The following LPCAT2 variants were observed in gnomAD, a reference collection of about 807,000 sequenced individuals.
The protein encoded by LPCAT2 is 1-AGP acyltransferase 11.
In LPCAT2, 58 loss-of-function variants were observed where a neutral mutation model predicts 64.7. That is an observed-to-expected ratio of 0.90 (90% confidence interval 0.73 to 1.12). The LOEUF is 1.12. Ranked by LOEUF, LPCAT2 falls within the 50% of genes most tolerant of loss-of-function variation. LPCAT2 has a pLI of 0.00. For missense variants in LPCAT2, 579 were observed against 669.8 expected (o/e 0.86, Z 1.50); for synonymous variants, 252 against 245.3 (o/e 1.03, Z -0.26).
chr16:55,586,347 A>G lies in LPCAT2; in HGVS notation c.*3249A>G, dbSNP rs12448764. On this transcript the variant is annotated 3_prime_UTR_variant, in exon 14 of 14. Transcript: ENST00000262134. ...CAAATTGTCTCCATCGCACTTCAAC[A>G]GCCAGGTCCCTATTTTTTATAACGT... 6.6e-6 allele frequency: 1 copy of G among 152,112 alleles called. No homozygotes were observed. Among genetic ancestry groups the G allele is most frequent in the African/African-American group, 2.4e-5 (1 of 41,416 alleles). The allele number at this position is 152,112 out of a possible 1,614,324, so 9.4% of individuals were successfully genotyped here.
At chr16:55,553,786 C>T (rs1014220836) in intron 11 of LPCAT2, among the ~76,000 whole-genome samples, 11 of 152,212 alleles carry the variant, frequency 7.2e-5, no homozygotes, top group African/African-American at 2.4e-5. Flanking sequence ...TATGGCCTTA[C>T]AGCATTTCTT....
rs1280706729 is a variant in LPCAT2, at chr16:55,583,534, A to G, written c.*436A>G. ...GGAAATAACAATGAAGAATCTGAGA[A>G]TTTGACATCTATAACTTTACAGATT... On this transcript the variant is annotated 3_prime_UTR_variant, in exon 14 of 14. Coordinates refer to ENST00000262134, the MANE Select transcript of LPCAT2 (RefSeq NM_017839.5). 1 of 153,590 alleles carries G rather than the reference A, an allele frequency of 6.5e-6. No individual in the cohort carries two copies. The highest frequency in any genetic ancestry group is 6.4e-5 in the Admixed American group (1 of 15,524). The allele number at this position is 153,590 out of a possible 1,614,324, so 9.5% of individuals were successfully genotyped here.
intron 11 of LPCAT2, among the ~76,000 whole-genome samples, chr16:55,565,606 G>T (rs749979438): frequency 6.6e-6 from 1 of 152,140 alleles, no homozygotes; most frequent in East Asian, 1.9e-4. Flanking sequence ...AGTCACAAAA[G>T]AACAAATACT....
intron 8 of LPCAT2, chr16:55,540,554 C>T (rs901988401): frequency 1.3e-5 from 2 of 152,172 alleles, no homozygotes; most frequent in South Asian, 2.1e-4. Context: ...ACTAAGTGGG[C>T]CGCAGCTAGT....
chr16:55,572,972 C>G (rs776236152), intron 11 of LPCAT2, among the ~76,000 whole-genome samples: 2 of 152,152 alleles, frequency 1.3e-5, no homozygotes, highest in Non-Finnish European at 2.9e-5. Flanking sequence ...AAAAACAGCT[C>G]TCTGACAGAC....
intron 11 of LPCAT2, among the ~76,000 whole-genome samples, chr16:55,562,905 T>G (rs72812715): frequency 0.04 from 6,087 of 151,886 alleles, 149 homozygotes; most frequent in Middle Eastern, 0.068. Context: ...GTATTAAAGG[T>G]AGGATTTCTC....
chr16:55,546,944 C>T (rs146226985), intron 9 of LPCAT2, among the ~76,000 whole-genome samples: 18 of 152,044 alleles, frequency 1.2e-4, no homozygotes, highest in Non-Finnish European at 2.2e-4. Flanking sequence ...GTCAGGAGTT[C>T]GAGACCAGCC....
At chr16:55,534,747 G>A (rs535343987) in intron 7 of LPCAT2, among the ~76,000 whole-genome samples, 5 of 152,176 alleles carry the variant, frequency 3.3e-5, no homozygotes, top group Admixed American at 6.6e-5. Context: ...TTGCTAGTTC[G>A]TAAGTGACCT....
At chr16:55,561,462 T>C (rs1459398491) in intron 11 of LPCAT2, among the ~76,000 whole-genome samples, 2 of 150,978 alleles carry the variant, frequency 1.3e-5, no homozygotes, top group South Asian at 4.2e-4. Flanking sequence ...CCATAGGGGA[T>C]TAAATCATCC....
At chr16:55,531,651 C>T (rs1963254271) in intron 4 of LPCAT2, among the ~76,000 whole-genome samples, 1 of 152,072 alleles carries the variant, frequency 6.6e-6, no homozygotes, top group Admixed American at 6.6e-5. Context: ...TTATTCAGAT[C>T]ATTAGTTTTA....
At chr16:55,514,890 TTGTGTGTGTGTG>T (rs35295405) in intron 1 of LPCAT2, among the ~76,000 whole-genome samples, 16 of 141,234 alleles carry the variant, frequency 1.1e-4, no homozygotes, top group South Asian at 9.4e-4. Flanking sequence ...ATGCAATGCA[TTGTGTGTGTGTG>T]TGTGTGTGTG....
In LPCAT2 at chr16:55,556,543, C is replaced by T. The variant is rs530319002; in HGVS notation, c.1215+5441C>T. 8.2e-4 allele frequency among the ~76,000 whole-genome samples: 125 copies of T among 152,210 alleles called. No homozygotes were observed. The South Asian group carries it at 9.3e-3, about 11-fold the overall frequency. On this transcript the variant is annotated intron_variant, in intron 11 of 13. Transcript: ENST00000262134. ...CTGTAATCCCAGCACTTTGGGAGGC[C>T]GAGGTGGGCAGATCACGAGGTCAGG... is the stretch of plus-strand genomic sequence containing the variant.
intron 1 of LPCAT2, among the ~76,000 whole-genome samples, chr16:55,516,647 A>G (rs1963015971): frequency 6.6e-6 from 1 of 152,228 alleles, no homozygotes; most frequent in Admixed American, 6.5e-5. Context: ...AAATACACAA[A>G]GGAAAAAGTG....
In LPCAT2 at chr16:55,579,235, A is replaced by G. The variant is rs776572768; in HGVS notation, c.1441A>G (p.Ile481Val). Residue 481 changes from isoleucine (I) to valine (V), a missense_variant, in exon 13 of 14, where the codon ATT becomes GTT. Transcript: ENST00000262134. ...LFKEIAQGDS[I>V]SYEEFKSFAL... is the part of the protein sequence containing the mutation. Reference sequence around the variant, plus strand: ...CAAGGAAATAGCCCAAGGGGACTCAATTTCCTATGGTGAGTAGGCAATCTG... The same window carrying G: ...CAAGGAAATAGCCCAAGGGGACTCAGTTTCCTATGGTGAGTAGGCAATCTG... 2.5e-6 allele frequency: 4 copies of G among 1,612,772 alleles called. No homozygotes were observed. The highest frequency in any genetic ancestry group is 2.2e-5 in the South Asian group (2 of 90,952).
At chr16:55,559,282 T>C (rs1963609247) in intron 11 of LPCAT2, among the ~76,000 whole-genome samples, 1 of 152,222 alleles carries the variant, frequency 6.6e-6, no homozygotes, top group Admixed American at 6.5e-5. Context: ...GGCATTACTA[T>C]GTACTTTGTT....
chr16:55,537,029 A>C (rs752034798), intron 7 of LPCAT2, among the ~76,000 whole-genome samples: 4 of 152,136 alleles, frequency 2.6e-5, no homozygotes, highest in Non-Finnish European at 2.9e-5. Flanking sequence ...TCAGAAATGT[A>C]ATGATCTACC....
intron 8 of LPCAT2, among the ~76,000 whole-genome samples, chr16:55,542,424 A>G (rs2142392561): frequency 6.6e-6 from 1 of 152,270 alleles, no homozygotes; most frequent in African/African-American, 2.4e-5. Context: ...TGTCTTCTTT[A>G]TAAAGTTGAA....
At chr16:55,567,119 T>G (rs1476027913) in intron 11 of LPCAT2, 1 of 1,613,860 alleles carries the variant, frequency 6.2e-7, no homozygotes, top group Non-Finnish European at 8.5e-7. Flanking sequence ...GTTTTAGTCT[T>G]GACACCTGCC....
intron 1 of LPCAT2, among the ~76,000 whole-genome samples, chr16:55,519,927 TA>T (rs1963071675): frequency 6.6e-6 from 1 of 151,956 alleles, no homozygotes; most frequent in African/African-American, 2.4e-5. Context: ...AAAAGAAATT[TA>T]AATGGATCAC....
Sources: gnomAD v4.1 joint callset for allele counts (sites outside exome capture counted in the v4.1 genomes callset) on GRCh38, gnomAD v4.1.1 for gene constraint, MANE v1.5 for transcripts, NCBI Gene and HGNC (gene_info 2026-07-23, HGNC 2026-07-21) for gene names.